FHIT: variants seen among roughly 807,000 people sequenced by gnomAD.
The protein encoded by FHIT is bis(5'-adenosyl)-triphosphatase.
A neutral mutation model predicts 17.9 loss-of-function variants in FHIT; 19 were observed. The ratio of observed to expected loss-of-function variants is 1.06; its 90% CI spans 0.74 to 1.56. FHIT has a LOEUF of 1.56. FHIT is among the 40% of genes most tolerant of loss of function. FHIT has a pLI of 0.00. For missense variants in FHIT, 248 were observed against 189.2 expected (o/e 1.31, Z -1.82); for synonymous variants, 81 against 69.7 (o/e 1.16, Z -0.81).
At chr3:60,063,986 A>C in intron 5 of FHIT, among the ~76,000 whole-genome samples, 1 of 152,336 alleles carries the variant, frequency 6.6e-6, no homozygotes, top group East Asian at 1.9e-4. Flanking sequence ...ATGCCATTTA[A>C]GTAAAGATTT....
chr3:60,696,290 A>G (rs1353782602), intron 4 of FHIT, among the ~76,000 whole-genome samples: 2 of 152,170 alleles, frequency 1.3e-5, no homozygotes, highest in African/African-American at 4.8e-5. Flanking sequence ...GAAGTTCTCC[A>G]TACGTTGAAA....
intron 4 of FHIT, among the ~76,000 whole-genome samples, chr3:60,819,135 G>C (rs552809183): frequency 6.6e-6 from 1 of 151,464 alleles, no homozygotes; most frequent in African/African-American, 2.4e-5. Flanking sequence ...ATTGGAAATG[G>C]AAACAAGTAA....
At chr3:60,258,098 A>G (rs1706104884) in intron 5 of FHIT, among the ~76,000 whole-genome samples, 2 of 147,784 alleles carry the variant, frequency 1.4e-5, no homozygotes, top group Non-Finnish European at 3.0e-5. Context: ...ACACACACAC[A>G]CACCTCTGCA....
At chr3:60,459,999 C>T (rs1467726131) in intron 5 of FHIT, among the ~76,000 whole-genome samples, 1 of 151,972 alleles carries the variant, frequency 6.6e-6, no homozygotes. Context: ...ATCAGCAACC[C>T]AAAAGTCCTG....
chr3:60,307,249 T>C (rs999331463), intron 5 of FHIT, among the ~76,000 whole-genome samples: 2 of 152,130 alleles, frequency 1.3e-5, no homozygotes, highest in Admixed American at 6.6e-5. Context: ...TACAGAGAAG[T>C]CTTAACAGAA....
At chr3:60,802,471 C>A (rs919276981) in intron 4 of FHIT, among the ~76,000 whole-genome samples, 1 of 152,042 alleles carries the variant, frequency 6.6e-6, no homozygotes, top group South Asian at 2.1e-4. Context: ...CCTGGCAAGA[C>A]CCAAAATATT....
intron 5 of FHIT, among the ~76,000 whole-genome samples, chr3:60,469,307 T>C (rs2032960915): frequency 6.6e-6 from 1 of 152,124 alleles, no homozygotes; most frequent in South Asian, 2.1e-4. Flanking sequence ...TTTGAGGCTA[T>C]TTTGTAGATT....
At chr3:60,289,831 A>AC (rs202019562) in intron 5 of FHIT, among the ~76,000 whole-genome samples, 2 of 170 alleles carry the variant, frequency 0.012, no homozygotes, top group Non-Finnish European at 0.021. Flanking sequence ...ACACGGAACC[A>AC]TTCAGCAGAT....
At chr3:60,807,188 AG>A (rs781842735) in intron 4 of FHIT, among the ~76,000 whole-genome samples, 3 of 152,192 alleles carry the variant, frequency 2.0e-5, no homozygotes, top group Non-Finnish European at 4.4e-5. Flanking sequence ...TTTATAGACA[AG>A]CTGATTTCTG....
chr3:60,095,297 TAA>T (rs1303193571), intron 5 of FHIT, among the ~76,000 whole-genome samples: 3 of 152,310 alleles, frequency 2.0e-5, no homozygotes, highest in East Asian at 3.9e-4. Context: ...GTGGAATGTT[TAA>T]AGATCTGTAG....
In FHIT at chr3:60,646,709, TAG is replaced by T. The variant is rs1219759803; in HGVS notation, c.-17-109732_-17-109731del. 5.9e-5 allele frequency among the ~76,000 whole-genome samples: 9 copies of T among 152,068 alleles called. No individual in the cohort carries two copies. The East Asian group carries it at 1.7e-3, about 29-fold the overall frequency. ...AAAGAAAAAGAACCACCAATGTTAC[TAG>T]AGAGCAGAGTTGACATGGCGTTACT... On this transcript the variant is annotated intron_variant, in intron 4 of 9. Transcript: ENST00000492590.
chr3:60,153,276 A>G (rs1700543064), intron 5 of FHIT, among the ~76,000 whole-genome samples: 1 of 149,892 alleles, frequency 6.7e-6, no homozygotes, highest in Non-Finnish European at 1.5e-5. Context: ...GTGTTTTCTC[A>G]TGGCCTCTTC....
At chr3:60,720,788 T>C (rs938894056) in intron 4 of FHIT, among the ~76,000 whole-genome samples, 3 of 151,956 alleles carry the variant, frequency 2.0e-5, no homozygotes, top group Admixed American at 2.0e-4. Context: ...TCAAGAAGAG[T>C]CCTCATTAAT....
At chr3:61,038,505 G>A (rs1318775387) in intron 3 of FHIT, among the ~76,000 whole-genome samples, 1 of 152,186 alleles carries the variant, frequency 6.6e-6, no homozygotes, top group African/African-American at 2.4e-5. Context: ...TGAAAATAAG[G>A]AAAAACAGTA....
At chr3:60,482,201 A>G (rs896117540) in intron 5 of FHIT, among the ~76,000 whole-genome samples, 1 of 152,156 alleles carries the variant, frequency 6.6e-6, no homozygotes, top group Non-Finnish European at 1.5e-5. Context: ...CTACAAAGAG[A>G]CTTAGACTCC....
chr3:60,977,989 T>C (rs1040438694), intron 3 of FHIT, among the ~76,000 whole-genome samples: 1 of 152,240 alleles, frequency 6.6e-6, no homozygotes, highest in African/African-American at 2.4e-5. Context: ...CTTAATTTTA[T>C]GCTCTTTCTT....
At chr3:60,290,078 G>A (rs920528983) in intron 5 of FHIT, among the ~76,000 whole-genome samples, 16 of 152,144 alleles carry the variant, frequency 1.1e-4, no homozygotes, top group African/African-American at 2.4e-4. Flanking sequence ...GATGCTATGC[G>A]TGGCTTTCCA....
chr3:61,187,359 T>G (rs1436584691), intron 2 of FHIT, among the ~76,000 whole-genome samples: 1 of 152,136 alleles, frequency 6.6e-6, no homozygotes, highest in Admixed American at 6.5e-5. Context: ...GGTAAAGGGA[T>G]GAATTCAACA....
intron 4 of FHIT, among the ~76,000 whole-genome samples, chr3:60,624,825 T>C (rs972988984): frequency 6.6e-6 from 1 of 152,166 alleles, no homozygotes; most frequent in African/African-American, 2.4e-5. Context: ...TTTTACAAGA[T>C]GATATTGAAT....
Sources: allele counts gnomAD v4.1 joint callset (sites outside exome capture counted in the v4.1 genomes callset), GRCh38; gene constraint gnomAD v4.1.1; transcripts MANE v1.5; gene names NCBI Gene and HGNC (gene_info 2026-07-23, HGNC 2026-07-21).